SLCO4C1: variants seen among roughly 807,000 people sequenced by gnomAD.
The protein encoded by SLCO4C1 is solute carrier organic anion transporter family member 4C1.
SLCO4C1 carries 58 observed loss-of-function variants against 72.1 expected under a neutral mutation model. The ratio of observed to expected loss-of-function variants is 0.80; its 90% CI spans 0.65 to 1.00. The LOEUF (loss-of-function observed/expected upper bound fraction) is 1.00. SLCO4C1 is among the 50% of genes least tolerant of loss of function. The pLI, the probability that SLCO4C1 is intolerant of heterozygous loss-of-function variation, is 0.00. For synonymous variants in SLCO4C1, 297 were observed against 312.5 expected, an observed-to-expected ratio of 0.95 and a Z score of 0.52; for missense variants, 898 against 857.9, an observed-to-expected ratio of 1.05 and a Z score of -0.58.
At position 102,295,951 on chromosome 5, in the gene SLCO4C1, A is replaced by G. The variant is rs1237874093; in HGVS notation, c.312T>C (p.Pro104=). ...GGCAGTAGTGAAGCAGAAAGCCTCC[A>G]GGTGTGTTGCAGCGCTGGAGACATT... ...HPQCLQRCNT[P]GGFLLHYCLL... Residue 104 remains proline, a synonymous_variant, in exon 1 of 13, where the codon CCT becomes CCC. Transcript: ENST00000310954. 6.2e-7 allele frequency: 1 copy of G among 1,614,252 alleles called. No homozygotes were observed. Among genetic ancestry groups the G allele is most frequent in the Non-Finnish European group, 8.5e-7 (1 of 1,180,042 alleles).
intron 2 of SLCO4C1, among the ~76,000 whole-genome samples, chr5:102,277,999 T>A (rs1191097481): frequency 6.6e-6 from 1 of 151,560 alleles, no homozygotes; most frequent in Non-Finnish European, 1.5e-5. Context: ...AAAGTACAGG[T>A]TTAAACTTTA....
intron 1 of SLCO4C1, among the ~76,000 whole-genome samples, chr5:102,292,806 T>C (rs1338702143): frequency 1.3e-5 from 2 of 152,082 alleles, no homozygotes; most frequent in African/African-American, 4.8e-5. Context: ...AAAAATCTGA[T>C]TGAATTAACT....
At chr5:102,280,368 C>T (rs1749332808) in intron 2 of SLCO4C1, among the ~76,000 whole-genome samples, 1 of 150,500 alleles carries the variant, frequency 6.6e-6, no homozygotes, top group Admixed American at 6.6e-5. Flanking sequence ...CAAAAAAAAG[C>T]AAAAAGAAAT....
rs771500433 is a variant in SLCO4C1 at position 102,296,089 on chromosome 5, T to C, written c.174A>G (p.Ser58=). Reference sequence around the variant, plus strand: ...GGGCTGAAGGCAGAGATGGCTCTGGTGACTTCTGGGGCTCCTGGGGCTTCT... The same window carrying C: ...GGGCTGAAGGCAGAGATGGCTCTGGCGACTTCTGGGGCTCCTGGGGCTTCT... ...ELQKPQEPQK[S]PEPSLPSAPP... The change falls in exon 1 of 13, where the codon TCA becomes TCG. Residue 58 remains serine, a synonymous_variant. Coordinates refer to ENST00000310954, the MANE Select transcript of SLCO4C1 (RefSeq NM_180991.5). 5.6e-6 allele frequency: 9 copies of C among 1,614,088 alleles called. No individual in the cohort carries two copies. The highest frequency in any genetic ancestry group is 5.9e-6 in the Non-Finnish European group (7 of 1,180,020).
At chr5:102,280,423 C>T (rs1384676034) in intron 2 of SLCO4C1, among the ~76,000 whole-genome samples, 1 of 151,156 alleles carries the variant, frequency 6.6e-6, no homozygotes, top group Admixed American at 6.6e-5. Context: ...AACTTGCATG[C>T]TAAAAATATA....
intron 2 of SLCO4C1, among the ~76,000 whole-genome samples, chr5:102,290,472 T>G (rs1036558983): frequency 6.6e-6 from 1 of 152,214 alleles, no homozygotes; most frequent in African/African-American, 2.4e-5. Flanking sequence ...ATATGAGGTT[T>G]AGGGGGACAA....
At chr5:102,275,741 G>A (rs1382422389) in intron 2 of SLCO4C1, among the ~76,000 whole-genome samples, 1 of 152,002 alleles carries the variant, frequency 6.6e-6, no homozygotes, top group East Asian at 1.9e-4. Context: ...AATAACAAGT[G>A]GAATAATCAC....
At chr5:102,271,338 G>A (rs577803478) in intron 2 of SLCO4C1, among the ~76,000 whole-genome samples, 143 of 150,864 alleles carry the variant, frequency 9.5e-4, no homozygotes, top group African/African-American at 3.3e-3. Context: ...ATATTATATT[G>A]TATTATACAT....
At position 102,263,761 on chromosome 5, in the gene SLCO4C1, T is replaced by A. The variant is rs1244878727; in HGVS notation, c.822A>T (p.Ser274=). ...SLYIGTGYAM[S]ILGPAIGYVL... ...CATAGCCAATAGCAGGGCCTAAGATTGACATAGCATAACCGGTTCCTAGAA... is the reference window on the plus strand; with the variant it reads ...CATAGCCAATAGCAGGGCCTAAGATAGACATAGCATAACCGGTTCCTAGAA... The change falls in exon 4 of 13, where the codon TCA becomes TCT. Residue 274 remains serine, a synonymous_variant. Transcript: ENST00000310954. The A allele has an allele frequency of 6.2e-7, 1 of 1,612,574 alleles. No individual in the cohort carries two copies. Among genetic ancestry groups the A allele is most frequent in the Non-Finnish European group, 8.5e-7 (1 of 1,179,064 alleles).
At position 102,270,784 on chromosome 5, in the gene SLCO4C1, A is replaced by G. The variant is rs774246206; in HGVS notation, c.642T>C (p.Asn214=). 2 of 1,599,472 alleles carry G rather than the reference A, an allele frequency of 1.3e-6. No individual in the cohort carries two copies. The highest frequency in any genetic ancestry group is 1.7e-6 in the Non-Finnish European group (2 of 1,174,386). The change falls in exon 3 of 13, where the codon AAT becomes AAC. Residue 214 remains asparagine, a synonymous_variant. Coordinates refer to ENST00000310954, the MANE Select transcript of SLCO4C1 (RefSeq NM_180991.5). ...AAGTTGAAGATGTACAACTGGTGCT[A>G]TTCCTTGTTGTTACACAAGTGTCTT... ...LFEDTCVTTR[N]STSCTSSTSS... is the part of the protein sequence containing the mutation.
At chr5:102,247,021 A>G (rs1021105592) in intron 10 of SLCO4C1, among the ~76,000 whole-genome samples, 1 of 152,138 alleles carries the variant, frequency 6.6e-6, no homozygotes, top group Non-Finnish European at 1.5e-5. Context: ...GAAAACACCA[A>G]GCACAAGCCA....
Position 102,246,157 on chromosome 5 carries a change from T to C in SLCO4C1, c.1811+1095A>G, listed in dbSNP as rs966300028. On this transcript the variant is annotated intron_variant, in intron 10 of 12. Transcript: ENST00000310954. ...AAGAAGAAACCAAACCTAAAATTAG[T>C]AGAAGAAAGGAAATAATGATCTGAG... is the stretch of plus-strand genomic sequence containing the variant. Among the ~76,000 whole-genome samples, 111 of 151,388 alleles carry C rather than the reference T, an allele frequency of 7.3e-4. 1 individual carries two copies. Among genetic ancestry groups the C allele is most frequent in the Non-Finnish European group, 3.4e-4 (23 of 67,826 alleles).
At position 102,286,366 on chromosome 5, in the gene SLCO4C1, A is replaced by C. The variant is rs146492363; in HGVS notation, c.619+4977T>G. On this transcript the variant is annotated intron_variant, in intron 2 of 12. Transcript: ENST00000310954. ...GCCTCTCTCCCAAAGTCTCAAAGAG[A>C]CATAAAGATTATTTTGCATGGTAAC... Among the ~76,000 whole-genome samples the C allele has an allele frequency of 3.3e-5, 5 of 152,258 alleles. No individual in the cohort carries two copies. The South Asian group carries it at 6.2e-4, about 19-fold the overall frequency.
intron 2 of SLCO4C1, among the ~76,000 whole-genome samples, chr5:102,289,194 G>C (rs1749509792): frequency 6.6e-6 from 1 of 152,142 alleles, no homozygotes; most frequent in African/African-American, 2.4e-5. Flanking sequence ...ATAAGAACTT[G>C]GTGAAAACCT....
At chr5:102,252,539 G>C (rs546827381) in intron 8 of SLCO4C1, among the ~76,000 whole-genome samples, 3 of 152,222 alleles carry the variant, frequency 2.0e-5, no homozygotes, top group African/African-American at 7.2e-5. Context: ...TAACATAGAT[G>C]CAGAAATAAG....
rs55692838 is a variant in SLCO4C1 at position 102,247,917 on chromosome 5, C to CTT, written c.1621-477_1621-476dup. On this transcript the variant is annotated intron_variant, in intron 9 of 12. Coordinates refer to ENST00000310954, the MANE Select transcript of SLCO4C1 (RefSeq NM_180991.5). The stretch of plus-strand genomic sequence containing the variant: ...CTTTCATTGTTCCAAAGGCCAGAAA[C>CTT]TTTTTTTTTTTTTTTTTTTTTTTTG... 7.4e-3 allele frequency among the ~76,000 whole-genome samples: 796 copies of CTT among 107,254 alleles called. 1 individual carries two copies. Among genetic ancestry groups the CTT allele is most frequent in the Non-Finnish European group, 0.01 (558 of 53,858 alleles). The allele number at this position is 107,254 out of a possible 152,430, so 70.4% of individuals were successfully genotyped here.
At chr5:102,242,710 C>A (rs1307253831) in intron 10 of SLCO4C1, among the ~76,000 whole-genome samples, 2 of 152,166 alleles carry the variant, frequency 1.3e-5, no homozygotes, top group African/African-American at 4.8e-5. Context: ...TACCCAGATA[C>A]TACATTGAGG....
chr5:102,254,488 C>T (rs1176350151), intron 8 of SLCO4C1, among the ~76,000 whole-genome samples: 1 of 152,096 alleles, frequency 6.6e-6, no homozygotes, highest in African/African-American at 2.4e-5. Flanking sequence ...AACCATGCCC[C>T]TTTAAGAAGT....
intron 2 of SLCO4C1, among the ~76,000 whole-genome samples, chr5:102,290,947 C>T (rs1749538022): frequency 6.6e-6 from 1 of 152,100 alleles, no homozygotes; most frequent in African/African-American, 2.4e-5. Context: ...TAAATGTCAC[C>T]TCTCTTTGTC....
Sources: allele counts gnomAD v4.1 joint callset (sites outside exome capture counted in the v4.1 genomes callset), GRCh38; gene constraint gnomAD v4.1.1; transcripts MANE v1.5; gene names NCBI Gene and HGNC (gene_info 2026-07-23, HGNC 2026-07-21).